The following LAMB4 variants were observed in gnomAD, a reference collection of about 807,000 sequenced individuals.
LAMB4 encodes the protein laminin subunit beta-4.
LAMB4 carries 196 observed loss-of-function variants against 199.2 expected under a neutral mutation model. That is an observed-to-expected ratio of 0.98 (90% CI 0.88 to 1.11). The LOEUF is 1.11. Among genes scored for constraint, LAMB4 ranks in the 50% least tolerant of loss-of-function variants. LAMB4 has a pLI of 0.00. For synonymous variants in LAMB4, 744 were observed against 770.6 expected (o/e 0.97, Z 0.57); for missense variants, 2,080 against 2,171.2 (o/e 0.96, Z 0.83).
In LAMB4 at chr7:108,116,135, C is replaced by T. The variant is rs1275161540; in HGVS notation, c.61G>A (p.Asp21Asn). ...TGACAGGCACCCCTGTTGCAGTCAT[C>T]TTGAGCTTTTGAGTAACTGAGCCAC... ...LGWLSYSKAQ[D>N]DCNRGACHPT... is the part of the protein sequence containing the mutation. Residue 21 changes from aspartate (D) to asparagine (N), a missense_variant, in exon 3 of 34, where the codon GAT (aspartate) becomes AAT (asparagine). Coordinates refer to ENST00000388781, the MANE Select transcript of LAMB4 (RefSeq NM_007356.3). The T allele has an allele frequency of 1.2e-6, 2 of 1,613,956 alleles. No individual in the cohort carries two copies. The highest frequency in any genetic ancestry group is 3.3e-5 in the Admixed American group (2 of 60,008).
intron 25 of LAMB4, among the ~76,000 whole-genome samples, chr7:108,052,902 A>G (rs1422599597): frequency 6.6e-6 from 1 of 152,132 alleles, no homozygotes; most frequent in African/African-American, 2.4e-5. Flanking sequence ...ATTCCTCATG[A>G]TGGAGAAACT....
intron 2 of LAMB4, among the ~76,000 whole-genome samples, chr7:108,116,614 C>T (rs1329705016): frequency 6.6e-6 from 1 of 152,146 alleles, no homozygotes; most frequent in African/African-American, 2.4e-5. Context: ...TCTAGCATTT[C>T]CCAAATTTAT....
chr7:108,017,294 A>C, the LAMB4 span, among the ~76,000 whole-genome samples: 1 of 152,188 alleles, frequency 6.6e-6, no homozygotes, highest in South Asian at 2.1e-4. Context: ...CAGAAGAGAA[A>C]AGCTAGGTGC....
At chr7:108,127,700 C>T (rs1309279961) in intron 1 of LAMB4, among the ~76,000 whole-genome samples, 3 of 152,096 alleles carry the variant, frequency 2.0e-5, no homozygotes, top group Non-Finnish European at 2.9e-5. Flanking sequence ...CATGCTGCCA[C>T]GTGCCCTCCA....
intron 23 of LAMB4, among the ~76,000 whole-genome samples, chr7:108,061,976 C>T (rs1229787874): frequency 6.6e-6 from 1 of 151,950 alleles, no homozygotes; most frequent in Non-Finnish European, 1.5e-5. Context: ...AATCCTGATC[C>T]CTATATTGTG....
chr7:108,047,761 A>AT (rs2035679907), intron 28 of LAMB4, 147 bp downstream of exon 28: 1 of 655,346 alleles, frequency 1.5e-6, no homozygotes, highest in Non-Finnish European at 2.7e-6. Flanking sequence ...ATCATCTGTA[A>AT]TTTTATCCTA....
chr7:108,091,571 G>A (rs1436787420), intron 14 of LAMB4, 55 bp downstream of exon 14: 2 of 1,566,850 alleles, frequency 1.3e-6, no homozygotes, highest in Non-Finnish European at 1.7e-6. Flanking sequence ...TGCTCTGTGT[G>A]TTTACTGACA....
intron 1 of LAMB4, among the ~76,000 whole-genome samples, chr7:108,125,713 T>C (rs548287310): frequency 6.6e-6 from 1 of 152,238 alleles, no homozygotes; most frequent in African/African-American, 2.4e-5. Flanking sequence ...GACTGCCGAA[T>C]TCCCAGGACT....
intron 4 of LAMB4, among the ~76,000 whole-genome samples, chr7:108,110,927 T>C (rs2038201250): frequency 6.6e-6 from 1 of 151,134 alleles, no homozygotes; most frequent in Non-Finnish European, 1.5e-5. Flanking sequence ...AACTATCTTA[T>C]ATATTATGAT....
chr7:108,080,818 TA>T (rs561672595), intron 14 of LAMB4, among the ~76,000 whole-genome samples: 230 of 142,168 alleles, frequency 1.6e-3, no homozygotes, highest in Middle Eastern at 3.7e-3. Flanking sequence ...TTCAAACATT[TA>T]AAAAAAAAAA....
At chr7:108,082,121 G>A (rs538102987) in intron 14 of LAMB4, among the ~76,000 whole-genome samples, 1 of 152,222 alleles carries the variant, frequency 6.6e-6, no homozygotes, top group Non-Finnish European at 1.5e-5. Context: ...ACGAGGTCAG[G>A]AGATTGAGAC....
At chr7:108,031,348 G>GAAAAAAAAAAAAAAAAAAAA (rs1225770663) in intron 31 of LAMB4, among the ~76,000 whole-genome samples, 1 of 29,630 alleles carries the variant, frequency 3.4e-5, no homozygotes, top group Non-Finnish European at 6.5e-5. Flanking sequence ...AAAAAAAAAA[G>GAAAAAAAAAAAAAAAAAAAA]AAAAAAAAGA....
intron 10 of LAMB4, among the ~76,000 whole-genome samples, chr7:108,100,789 G>A (rs2037788373): frequency 6.6e-6 from 1 of 152,128 alleles, no homozygotes; most frequent in Non-Finnish European, 1.5e-5. Context: ...TAAAAGTTAT[G>A]TGTGTGCATG....
chr7:108,123,725 A>G (rs2038680042), intron 1 of LAMB4, among the ~76,000 whole-genome samples: 1 of 152,150 alleles, frequency 6.6e-6, no homozygotes, highest in Admixed American at 6.5e-5. Flanking sequence ...TGCACAAATA[A>G]TTTTCAAAAG....
At chr7:108,123,221 CAA>C in intron 1 of LAMB4, 24 bp from the exon 2 acceptor site, 1 of 1,392,518 alleles carries the variant, frequency 7.2e-7, no homozygotes, top group African/African-American at 1.4e-5. Context: ...AGGTTAAAGT[CAA>C]TCACTGATAG....
At chr7:108,050,742 T>G (rs2035801891) in intron 26 of LAMB4, among the ~76,000 whole-genome samples, 1 of 152,208 alleles carries the variant, frequency 6.6e-6, no homozygotes, top group Admixed American at 6.5e-5. Flanking sequence ...AAAAAAGTGT[T>G]CCTATTGCTT....
chr7:108,116,838 GC>G (rs2038425037), intron 2 of LAMB4, among the ~76,000 whole-genome samples: 1 of 152,118 alleles, frequency 6.6e-6, no homozygotes, highest in African/African-American at 2.4e-5. Flanking sequence ...CTCAAGACCA[GC>G]TTCTTCAATA....
At chr7:108,126,287 A>ATTACAT (rs2038774786) in intron 1 of LAMB4, among the ~76,000 whole-genome samples, 1 of 152,148 alleles carries the variant, frequency 6.6e-6, no homozygotes. Context: ...AGTAGTGTTA[A>ATTACAT]TTACATTTAC....
intron 10 of LAMB4, among the ~76,000 whole-genome samples, chr7:108,100,906 G>A (rs1050960270): frequency 8.5e-5 from 13 of 152,148 alleles, no homozygotes; most frequent in South Asian, 4.1e-4. Flanking sequence ...AACAGGTCAC[G>A]TAAGGTAAAT....
Sources: gnomAD v4.1 joint callset for allele counts (sites outside exome capture counted in the v4.1 genomes callset) on GRCh38, gnomAD v4.1.1 for gene constraint, MANE v1.5 for transcripts, NCBI Gene and HGNC (gene_info 2026-07-23, HGNC 2026-07-21) for gene names.